WDR49: variants seen among roughly 807,000 people sequenced by gnomAD.
WDR49 encodes cilia- and flagella-associated protein 337.
Under a neutral mutation model 119.5 loss-of-function variants are expected in WDR49, and 107 were observed. That is an observed-to-expected ratio of 0.90 (90% CI 0.77 to 1.05). The LOEUF (loss-of-function observed/expected upper bound fraction) is 1.05. WDR49 is among the 50% of genes least tolerant of loss of function. WDR49 has a pLI of 0.00. For synonymous variants in WDR49, 425 were observed against 418.8 expected, an observed-to-expected ratio of 1.01 and a Z score of -0.18; for missense variants, 1,240 against 1,220.5, an observed-to-expected ratio of 1.02 and a Z score of -0.24.
chr3:167,513,895 C>G (rs1231907848), intron 16 of WDR49, among the ~76,000 whole-genome samples: 1 of 152,140 alleles, frequency 6.6e-6, no homozygotes, highest in Non-Finnish European at 1.5e-5. Context: ...GTGTTCAATT[C>G]AACAAGAAGA....
intron 2 of WDR49, among the ~76,000 whole-genome samples, chr3:167,649,795 T>C (rs1261593655): frequency 6.6e-6 from 1 of 152,176 alleles, no homozygotes. Flanking sequence ...GGCTTCTAGG[T>C]ATAGTTAAAG....
chr3:167,496,590 C>T (rs1751362207), intron 18 of WDR49, among the ~76,000 whole-genome samples: 1 of 152,110 alleles, frequency 6.6e-6, no homozygotes, highest in African/African-American at 2.4e-5. Flanking sequence ...CTTATCTCTA[C>T]CATAGCCCTC....
At chr3:167,637,352 G>A (rs1178346841) in intron 2 of WDR49, among the ~76,000 whole-genome samples, 1 of 151,784 alleles carries the variant, frequency 6.6e-6, no homozygotes, top group African/African-American at 2.4e-5. Context: ...GTTGGTCTAT[G>A]TGCCTATTTT....
At chr3:167,544,256 A>C (rs2108256134) in intron 10 of WDR49, among the ~76,000 whole-genome samples, 1 of 151,970 alleles carries the variant, frequency 6.6e-6, no homozygotes, top group African/African-American at 2.4e-5. Flanking sequence ...GCAACCACAA[A>C]TTCAAGCAAT....
chr3:167,543,970 C>CA (rs1263359079), intron 10 of WDR49, among the ~76,000 whole-genome samples: 2 of 151,258 alleles, frequency 1.3e-5, no homozygotes, highest in African/African-American at 4.9e-5. Context: ...CTTCAGAATA[C>CA]AAAATCAATA....
upstream of WDR49, among the ~76,000 whole-genome samples, chr3:167,657,827 A>G (rs1718640934): frequency 6.6e-6 from 1 of 152,136 alleles, no homozygotes; most frequent in Non-Finnish European, 1.5e-5. Context: ...TTTTCCCATC[A>G]TCTTCTTGCC....
At chr3:167,608,705 T>C (rs1186337886) in intron 5 of WDR49, among the ~76,000 whole-genome samples, 1 of 152,214 alleles carries the variant, frequency 6.6e-6, no homozygotes, top group Non-Finnish European at 1.5e-5. Flanking sequence ...TGATAGGTTA[T>C]GATGGAAAAG....
intron 11 of WDR49, among the ~76,000 whole-genome samples, chr3:167,534,683 T>C (rs1180185344): frequency 1.3e-5 from 2 of 152,322 alleles, no homozygotes; most frequent in East Asian, 1.9e-4. Flanking sequence ...AATTCAGCTG[T>C]CAAAATATGG....
intron 16 of WDR49, among the ~76,000 whole-genome samples, chr3:167,514,160 T>C (rs1050433399): frequency 2.2e-4 from 34 of 152,176 alleles, no homozygotes; most frequent in Non-Finnish European, 1.5e-4. Context: ...ATATACTTTC[T>C]TCTTGGTGCC....
rs1162665494 is a variant in WDR49 at position 167,528,163 on chromosome 3, G to C, written c.2407-146C>G. ...CAAAAGAAAAGTTCATGATAAAAGAGGCTAGAAAACGAAATTACATTAAAA... is the reference window on the plus strand; with the variant it reads ...CAAAAGAAAAGTTCATGATAAAAGACGCTAGAAAACGAAATTACATTAAAA... On this transcript the variant is annotated intron_variant, in intron 14 of 18. Transcript: ENST00000682715. The C allele has an allele frequency of 6.7e-6, 4 of 599,632 alleles. No homozygotes were observed. In the East Asian group the frequency reaches 1.2e-4, roughly 18 times the overall value. 37.1% of individuals were successfully genotyped at this position (599,632 alleles called of 1,614,324 possible). A position where few individuals can be genotyped will look rare whatever the true frequency, so the allele number is the denominator to read the frequency against.
chr3:167,516,694 G>A (rs1025607705), intron 16 of WDR49, among the ~76,000 whole-genome samples: 3 of 151,774 alleles, frequency 2.0e-5, no homozygotes, highest in South Asian at 2.1e-4. Flanking sequence ...CACAATGGTT[G>A]AACGAGCCAA....
chr3:167,650,812 CT>C (rs1235026178), intron 2 of WDR49, among the ~76,000 whole-genome samples: 2 of 152,094 alleles, frequency 1.3e-5, no homozygotes, highest in African/African-American at 4.8e-5. Context: ...GTGGCATGCA[CT>C]TTTTAAAGTG....
At chr3:167,590,781 TG>T (rs1460602986) in intron 7 of WDR49, among the ~76,000 whole-genome samples, 1 of 152,070 alleles carries the variant, frequency 6.6e-6, no homozygotes, top group Non-Finnish European at 1.5e-5. Flanking sequence ...ATATTTTATT[TG>T]GGTTTTCTCT....
intron 5 of WDR49, among the ~76,000 whole-genome samples, chr3:167,607,970 C>T (rs565135888): frequency 2.2e-4 from 33 of 151,768 alleles, no homozygotes; most frequent in Non-Finnish European, 3.7e-4. Flanking sequence ...GAAGGGAGGA[C>T]GGGAGGAAGT....
chr3:167,516,724 A>G (rs1177700585), intron 16 of WDR49, among the ~76,000 whole-genome samples: 1 of 152,190 alleles, frequency 6.6e-6, no homozygotes, highest in Non-Finnish European at 1.5e-5. Context: ...ATGGGATCTA[A>G]TTAAACTAAC....
At chr3:167,580,891 A>G (rs1014007682) in intron 7 of WDR49, among the ~76,000 whole-genome samples, 3 of 152,180 alleles carry the variant, frequency 2.0e-5, no homozygotes, top group Non-Finnish European at 2.9e-5. Flanking sequence ...TATTTTTAGT[A>G]GAGAAAACAG....
intron 10 of WDR49, among the ~76,000 whole-genome samples, chr3:167,547,206 T>C (rs1259014655): frequency 6.6e-6 from 1 of 151,858 alleles, no homozygotes; most frequent in Non-Finnish European, 1.5e-5. Context: ...AAGAATGTAA[T>C]ATCTTGTGAT....
At chr3:167,654,060 A>G (rs1266235089), upstream of WDR49, 1 of 152,210 alleles carries the variant, frequency 6.6e-6, no homozygotes, top group Non-Finnish European at 1.5e-5. Flanking sequence ...TCTCCAACTG[A>G]AAGTTTAAAT....
chr3:167,653,255 A>G lies in WDR49; in HGVS notation c.165+6T>C, dbSNP rs1353784164. The G allele has an allele frequency of 6.5e-7, 1 of 1,536,094 alleles. No individual in the cohort carries two copies. Among genetic ancestry groups the G allele is most frequent in the South Asian group, 1.2e-5 (1 of 84,058 alleles). On this transcript the variant is annotated splice_donor_region_variant and intron_variant, in intron 2 of 18. Transcript: ENST00000682715. ...AAACTATCTGGTCAATAAGCTTCAC[A>G]CTTACCTCAAAGGCCTTCTGTATTT...
Sources: gnomAD v4.1 joint callset for allele counts (sites outside exome capture counted in the v4.1 genomes callset) on GRCh38, gnomAD v4.1.1 for gene constraint, MANE v1.5 for transcripts, NCBI Gene and HGNC (gene_info 2026-07-23, HGNC 2026-07-21) for gene names.